The following XPNPEP1 variants were observed in gnomAD, a reference collection of about 807,000 sequenced individuals.
The protein encoded by XPNPEP1 is xaa-Pro aminopeptidase 1.
A neutral mutation model predicts 92.4 loss-of-function variants in XPNPEP1; 39 were observed. That is an observed-to-expected ratio of 0.42 (90% CI 0.33 to 0.55). XPNPEP1 has a LOEUF of 0.55. Among genes scored for constraint, XPNPEP1 ranks in the 20% least tolerant of loss-of-function variants. The pLI is 0.08. For missense variants in XPNPEP1, 654 were observed against 856.1 expected, an observed-to-expected ratio of 0.76 and a Z score of 2.95; for synonymous variants, 307 against 299.4, an observed-to-expected ratio of 1.03 and a Z score of -0.26.
intron 1 of XPNPEP1, among the ~76,000 whole-genome samples, chr10:109,919,031 A>G (rs1850378406): frequency 6.6e-6 from 1 of 152,228 alleles, no homozygotes; most frequent in Non-Finnish European, 1.5e-5. Flanking sequence ...TAGGCGCTAA[A>G]CTGTAAAACT....
chr10:109,905,824 G>A (rs896424984), intron 3 of XPNPEP1, among the ~76,000 whole-genome samples: 2 of 152,162 alleles, frequency 1.3e-5, no homozygotes, highest in South Asian at 2.1e-4. Flanking sequence ...GAATACTGAA[G>A]AACACACACA....
intron 10 of XPNPEP1, among the ~76,000 whole-genome samples, chr10:109,882,207 T>G (rs1848136987): frequency 6.6e-6 from 1 of 152,234 alleles, no homozygotes; most frequent in Non-Finnish European, 1.5e-5. Flanking sequence ...TAATAATGTG[T>G]ACCACCTAAA....
chr10:109,900,446 C>T (rs1849223281), intron 3 of XPNPEP1, among the ~76,000 whole-genome samples: 1 of 152,116 alleles, frequency 6.6e-6, no homozygotes, highest in Admixed American at 6.5e-5. Flanking sequence ...ACAGAGTCGC[C>T]CCAACTATGT....
At chr10:109,895,881 C>T (rs773482493) in intron 3 of XPNPEP1, among the ~76,000 whole-genome samples, 2 of 152,198 alleles carry the variant, frequency 1.3e-5, no homozygotes, top group Non-Finnish European at 2.9e-5. Context: ...TTCCAAATAT[C>T]TAAGATCATG....
chr10:109,923,103 G>C, intron 1 of XPNPEP1: 1 of 956,722 alleles, frequency 1.0e-6, no homozygotes, highest in Non-Finnish European at 1.2e-6. Context: ...GCCAGGAACT[G>C]TGACGGCCGC....
At position 109,895,456 on chromosome 10, in the gene XPNPEP1, C is replaced by T. The variant is rs577563659; in HGVS notation, c.247-2381G>A. On this transcript the variant is annotated intron_variant, in intron 3 of 20. Transcript: ENST00000502935. ...GGAGGTGGAATTAACAGCAAATGGA[C>T]ATGTTTAGTTTGGGATGGAGACAAG... 2.0e-5 allele frequency among the ~76,000 whole-genome samples: 3 copies of T among 152,356 alleles called. No individual in the cohort carries two copies. In the South Asian group the frequency reaches 6.2e-4, roughly 32 times the overall value.
chr10:109,885,135 T>A (rs928680183), intron 8 of XPNPEP1, among the ~76,000 whole-genome samples: 5 of 152,186 alleles, frequency 3.3e-5, no homozygotes, highest in Non-Finnish European at 5.9e-5. Context: ...CATGGATTCA[T>A]GAACCAAGAT....
intron 6 of XPNPEP1, 73 bp from the exon 7 acceptor site, chr10:109,888,265 A>C: frequency 1.3e-6 from 2 of 1,546,958 alleles, no homozygotes; most frequent in South Asian, 1.2e-5. Flanking sequence ...GGGCCTTGAA[A>C]GTCCAGAACC....
At chr10:109,877,338 T>G (rs950215093) in intron 14 of XPNPEP1, 4 of 157,062 alleles carry the variant, frequency 2.5e-5, no homozygotes, top group Admixed American at 2.5e-4. Context: ...TGGTAGCACA[T>G]GCCTATAGTC....
chr10:109,900,675 T>C (rs976670603), intron 3 of XPNPEP1, among the ~76,000 whole-genome samples: 6 of 152,150 alleles, frequency 3.9e-5, no homozygotes, highest in Non-Finnish European at 8.8e-5. Flanking sequence ...TCTGAGATCC[T>C]GCAAGGCCTA....
At chr10:109,885,662 A>T (rs568916296) in intron 8 of XPNPEP1, among the ~76,000 whole-genome samples, 2 of 152,342 alleles carry the variant, frequency 1.3e-5, no homozygotes, top group East Asian at 3.9e-4. Flanking sequence ...CCCTGGGTCA[A>T]ATCCACTCAG....
chr10:109,870,982 C>T lies in XPNPEP1; in HGVS notation c.1523-78G>A, dbSNP rs559074500. 1.2e-5 allele frequency: 18 copies of T among 1,494,934 alleles called. No individual in the cohort carries two copies. In the Middle Eastern group the frequency reaches 5.3e-4, roughly 44 times the overall value. The allele number at this position is 1,494,934 out of a possible 1,614,324, so 92.6% of individuals were successfully genotyped here. A position where few individuals can be genotyped will look rare whatever the true frequency, so the allele number is the denominator to read the frequency against. ...AAATTTATTATGTGTGGCTCCAGAA[C>T]GTGAAACAGAAACCAATAGGTAAGT... is the stretch of plus-strand genomic sequence containing the variant. On this transcript the variant is annotated intron_variant, in intron 17 of 20. Transcript: ENST00000502935.
chr10:109,920,218 A>C (rs965355969), intron 1 of XPNPEP1, among the ~76,000 whole-genome samples: 1 of 152,200 alleles, frequency 6.6e-6, no homozygotes, highest in Admixed American at 6.5e-5. Context: ...GTGGTTGCCA[A>C]GGGCTGAGGT....
chr10:109,916,719 C>A (rs1850211401), intron 1 of XPNPEP1, among the ~76,000 whole-genome samples: 1 of 152,054 alleles, frequency 6.6e-6, no homozygotes, highest in Non-Finnish European at 1.5e-5. Context: ...AATATAAATA[C>A]AAATATCCTC....
At chr10:109,871,730 T>TAGACATATTTGATACTCAAACAC in intron 17 of XPNPEP1, 62 bp downstream of exon 17, 1 of 1,566,734 alleles carries the variant, frequency 6.4e-7, no homozygotes, top group African/African-American at 1.4e-5. Flanking sequence ...CACTCAAACA[T>TAGACATATTTGATACTCAAACAC]AGACATATTT....
chr10:109,868,271 G>A (rs180863868), intron 20 of XPNPEP1, among the ~76,000 whole-genome samples: 1 of 151,902 alleles, frequency 6.6e-6, no homozygotes, highest in East Asian at 1.9e-4. Flanking sequence ...TTTTTGTAGG[G>A]ACACACATAG....
intron 3 of XPNPEP1, 56 bp from the exon 4 acceptor site, chr10:109,893,131 C>G: frequency 6.5e-7 from 1 of 1,541,782 alleles, no homozygotes; most frequent in Non-Finnish European, 8.9e-7. Context: ...GCAGACTGTT[C>G]TGCCTGCTTA....
chr10:109,923,327 G>A (rs927182248), intron 1 of XPNPEP1, 75 bp downstream of exon 1: 5 of 1,356,534 alleles, frequency 3.7e-6, no homozygotes, highest in African/African-American at 3.1e-5. Flanking sequence ...CCTGCCCGCC[G>A]AGGTGCAACA....
Position 109,915,053 on chromosome 10 carries a change from G to C in XPNPEP1, c.79C>G (p.Pro27Ala). Residue 27 changes from proline to alanine, a missense_variant, in exon 2 of 21, where the codon CCT becomes GCT. Pro to Ala is a conservative substitution (Grantham distance 27). Coordinates refer to ENST00000502935, the MANE Select transcript of XPNPEP1 (RefSeq NM_020383.4). ...TCTCCTGAGTGTGTCACCTCGTTAG[G>C]TTCAATTATTCTTAAATTTCTCAGT... ...FQLRNLRIIE[P>A]NEVTHSGDTG... 6.5e-7 allele frequency: 1 copy of C among 1,530,240 alleles called. No individual in the cohort carries two copies. The highest frequency in any genetic ancestry group is 8.7e-7 in the Non-Finnish European group (1 of 1,143,076). 94.8% of individuals were successfully genotyped at this position (1,530,240 alleles called of 1,614,324 possible). A position where few individuals can be genotyped will look rare whatever the true frequency, so the allele number is the denominator to read the frequency against.
Sources: allele counts gnomAD v4.1 joint callset (sites outside exome capture counted in the v4.1 genomes callset), GRCh38; gene constraint gnomAD v4.1.1; transcripts MANE v1.5; gene names NCBI Gene and HGNC (gene_info 2026-07-23, HGNC 2026-07-21).